SAP30BP: variants seen among roughly 807,000 people sequenced by gnomAD.
SAP30BP encodes SAP30-binding protein.
A neutral mutation model predicts 46.3 loss-of-function variants in SAP30BP; 31 were observed. That is an observed-to-expected ratio of 0.67 (90% CI 0.50 to 0.90). The LOEUF (loss-of-function observed/expected upper bound fraction) is 0.90. Among genes scored for constraint, SAP30BP ranks in the 40% least tolerant of loss-of-function variants. The probability of loss-of-function intolerance (pLI) is 0.00; values close to 1 mark genes in which losing one functional copy is unlikely to be tolerated. For synonymous variants in SAP30BP, 169 were observed against 144.2 expected (o/e 1.17, Z -1.23); for missense variants, 312 against 391.0 (o/e 0.80, Z 1.70).
At chr17:75,675,730 C>T (rs541373921) in intron 3 of SAP30BP, among the ~76,000 whole-genome samples, 35 of 152,084 alleles carry the variant, frequency 2.3e-4, no homozygotes, top group Admixed American at 3.9e-4. Flanking sequence ...ACCTGGACAA[C>T]GTGATAAAAC....
At chr17:75,672,565 AT>A (rs1275411121) in intron 3 of SAP30BP, among the ~76,000 whole-genome samples, 2 of 152,150 alleles carry the variant, frequency 1.3e-5, no homozygotes, top group South Asian at 2.1e-4. Context: ...CTGAAGAGTC[AT>A]TTTTTATGAG....
At chr17:75,701,218 G>A (rs2060405147) in intron 5 of SAP30BP, among the ~76,000 whole-genome samples, 1 of 152,160 alleles carries the variant, frequency 6.6e-6, no homozygotes, top group Non-Finnish European at 1.5e-5. Context: ...GCTTTTGCCG[G>A]CACAGTGCCT....
intron 3 of SAP30BP, among the ~76,000 whole-genome samples, chr17:75,687,004 A>G (rs1242243267): frequency 1.3e-5 from 2 of 152,218 alleles, no homozygotes; most frequent in African/African-American, 4.8e-5. Context: ...CCTTGTTTTG[A>G]CTATTACTTT....
In SAP30BP at chr17:75,687,573, G is replaced by A. The variant is rs562380976; in HGVS notation, c.265-5867G>A. The stretch of plus-strand genomic sequence containing the variant: ...CAAGGCTGCAATGAGCTATGATTGC[G>A]CCAGTGTACTCCAGCCTGTGTGACA... On this transcript the variant is annotated intron_variant, in intron 3 of 10. Coordinates refer to ENST00000584667, the MANE Select transcript of SAP30BP (RefSeq NM_013260.8). Among the ~76,000 whole-genome samples the A allele has an allele frequency of 5.2e-4, 78 of 150,836 alleles. 1 individual carries two copies. In the South Asian group the frequency reaches 0.015, roughly 30 times the overall value.
intron 9 of SAP30BP, 183 bp from the exon 10 acceptor site, chr17:75,705,825 G>C: frequency 9.2e-7 from 1 of 1,084,922 alleles, no homozygotes; most frequent in Non-Finnish European, 1.3e-6. Context: ...TCTTTTAAGA[G>C]TGAAAAGCCC....
At chr17:75,682,769 C>G (rs536384588) in intron 3 of SAP30BP, among the ~76,000 whole-genome samples, 1 of 146,256 alleles carries the variant, frequency 6.8e-6, no homozygotes, top group South Asian at 2.2e-4. Context: ...CAAGACCATC[C>G]TGGCCAACAT....
rs556637940 is a variant in SAP30BP, at chr17:75,707,721, C to G, written c.*1200C>G. On this transcript the variant is annotated 3_prime_UTR_variant, in exon 11 of 11. Transcript: ENST00000584667. ...AGGAGGTCAGTTCTCACCCCTTCCT[C>G]GATGGGGCTTTAAAGCTCTGGGGAG... The G allele has an allele frequency of 1.3e-5, 2 of 152,558 alleles. No individual in the cohort carries two copies. The highest frequency in any genetic ancestry group is 2.4e-5 in the African/African-American group (1 of 41,566). The allele number at this position is 152,558 out of a possible 1,614,324, so 9.5% of individuals were successfully genotyped here.
At chr17:75,702,298 A>G (rs1287569960) in intron 5 of SAP30BP, among the ~76,000 whole-genome samples, 182 bp from the exon 6 acceptor site, 2 of 151,512 alleles carry the variant, frequency 1.3e-5, no homozygotes, top group Non-Finnish European at 2.9e-5. Context: ...TTCTGGGATT[A>G]CAGGCGTGAG....
At position 75,671,812 on chromosome 17, in the gene SAP30BP, G is replaced by A. The variant is rs1159885308; in HGVS notation, c.217-4G>A. On this transcript the variant is annotated splice_polypyrimidine_tract_variant and splice_region_variant and intron_variant, in intron 2 of 10. Coordinates refer to ENST00000584667, the MANE Select transcript of SAP30BP (RefSeq NM_013260.8). ...CTTAATCCTCTAAATTCTTTGTCTT[G>A]TAGGAAGATGACGATTCAGAGACTG... The A allele has an allele frequency of 1.9e-6, 3 of 1,612,098 alleles. No individual in the cohort carries two copies. The highest frequency in any genetic ancestry group is 1.7e-6 in the Non-Finnish European group (2 of 1,178,246).
intron 7 of SAP30BP, 80 bp downstream of exon 7, chr17:75,703,451 C>T: frequency 7.7e-7 from 1 of 1,295,386 alleles, no homozygotes; most frequent in Non-Finnish European, 1.1e-6. Context: ...GACCTGCAGC[C>T]ACAGAAAGGT....
chr17:75,674,243 G>T (rs2059949347), intron 3 of SAP30BP, among the ~76,000 whole-genome samples: 1 of 151,992 alleles, frequency 6.6e-6, no homozygotes, highest in South Asian at 2.1e-4. Flanking sequence ...ATAGCAACAT[G>T]TACCTCAAAT....
intron 6 of SAP30BP, chr17:75,702,956 C>T (rs2060436214): frequency 5.6e-6 from 2 of 355,914 alleles, no homozygotes; most frequent in African/African-American, 2.0e-5. Context: ...GGTGAGAGGT[C>T]TTAGGACCAG....
intron 3 of SAP30BP, among the ~76,000 whole-genome samples, chr17:75,673,738 A>G (rs1403130139): frequency 6.6e-6 from 1 of 152,184 alleles, no homozygotes. Flanking sequence ...GCTGTCCAGT[A>G]GCAGTCACTA....
intron 5 of SAP30BP, among the ~76,000 whole-genome samples, chr17:75,701,733 A>G (rs769835142): frequency 6.6e-6 from 1 of 152,206 alleles, no homozygotes; most frequent in Non-Finnish European, 1.5e-5. Flanking sequence ...TGTGGCTCAC[A>G]GTTCTGCTGA....
At chr17:75,678,271 C>T (rs1269921038) in intron 3 of SAP30BP, among the ~76,000 whole-genome samples, 1 of 152,148 alleles carries the variant, frequency 6.6e-6, no homozygotes, top group Non-Finnish European at 1.5e-5. Flanking sequence ...ACCCCCTCCT[C>T]AGATGCTCAA....
intron 3 of SAP30BP, among the ~76,000 whole-genome samples, chr17:75,687,917 G>GGTGTGTGT (rs68006166): frequency 0.018 from 2,196 of 120,252 alleles, 16 homozygotes; most frequent in African/African-American, 0.022. Context: ...CAGTGTTTGG[G>GGTGTGTGT]GTGTGTGTGT....
In SAP30BP at chr17:75,679,217, C is replaced by T. The variant is rs1041609995; in HGVS notation, c.264+7354C>T. Among the ~76,000 whole-genome samples, 14 of 152,102 alleles carry T rather than the reference C, an allele frequency of 9.2e-5. No individual in the cohort carries two copies. The South Asian group carries it at 1.5e-3, about 16-fold the overall frequency. On this transcript the variant is annotated intron_variant, in intron 3 of 10. Coordinates refer to ENST00000584667, the MANE Select transcript of SAP30BP (RefSeq NM_013260.8). ...TTCACCATGTTAGCCAGGATGGTCT[C>T]GATCTCCTGACCTCGTGATCTGCCT...
Position 75,704,830 on chromosome 17 carries a change from C to T in SAP30BP, c.660+16C>T. On this transcript the variant is annotated intron_variant, in intron 9 of 10. Coordinates refer to ENST00000584667, the MANE Select transcript of SAP30BP (RefSeq NM_013260.8). ...GCGAACAAAAGTAAGTGATGGCAGACCTCCTAGATGAAAAAGGCACATGTG... is the reference window on the plus strand; with the variant it reads ...GCGAACAAAAGTAAGTGATGGCAGATCTCCTAGATGAAAAAGGCACATGTG... The T allele has an allele frequency of 3.7e-6, 6 of 1,606,370 alleles. No individual in the cohort carries two copies. Among genetic ancestry groups the T allele is most frequent in the Middle Eastern group, 3.3e-4 (2 of 6,042 alleles).
At chr17:75,675,059 T>C (rs2034643242) in intron 3 of SAP30BP, among the ~76,000 whole-genome samples, 1 of 151,456 alleles carries the variant, frequency 6.6e-6, no homozygotes, top group Admixed American at 6.6e-5. Context: ...GGATCTTTGT[T>C]AGAAGTGTTG....
Sources: allele counts gnomAD v4.1 joint callset (sites outside exome capture counted in the v4.1 genomes callset), GRCh38; gene constraint gnomAD v4.1.1; transcripts MANE v1.5; gene names NCBI Gene and HGNC (gene_info 2026-07-23, HGNC 2026-07-21).